Variants in THRB observed in about 807,000 individuals in gnomAD.
THRB encodes the protein thyroid hormone receptor beta.
In THRB, 12 loss-of-function variants were observed where a neutral mutation model predicts 47.8. The ratio of observed to expected loss-of-function variants is 0.25; its 90% CI spans 0.16 to 0.41. THRB has a LOEUF of 0.41. Among genes scored for constraint, THRB ranks in the 10% least tolerant of loss-of-function variants. The pLI, the probability that THRB is intolerant of heterozygous loss-of-function variation, is 1.00. For missense variants in THRB, 348 were observed against 589.2 expected (o/e 0.59, Z 4.24); for synonymous variants, 218 against 212.2 (o/e 1.03, Z -0.24).
chr3:24,199,959 C>T lies in THRB; in HGVS notation c.23-9625G>A, dbSNP rs1011171066. On this transcript the variant is annotated intron_variant, in intron 4 of 10. Transcript: ENST00000646209. ...CCCTGAGCACTGGGAAAATACTTTCCGGAGGACACAATGGAATCCTCCCCC... is the reference window on the plus strand; with the variant it reads ...CCCTGAGCACTGGGAAAATACTTTCTGGAGGACACAATGGAATCCTCCCCC... Among the ~76,000 whole-genome samples, 4 of 152,230 alleles carry T rather than the reference C, an allele frequency of 2.6e-5. No individual in the cohort carries two copies. The East Asian group carries it at 5.8e-4, about 22-fold the overall frequency.
intron 3 of THRB, among the ~76,000 whole-genome samples, chr3:24,277,344 C>T (rs1309967036): frequency 6.6e-6 from 1 of 152,160 alleles, no homozygotes; most frequent in Non-Finnish European, 1.5e-5. Flanking sequence ...AGAGAATCAT[C>T]TGGTTCAAAA....
intron 6 of THRB, 59 bp downstream of exon 6, chr3:24,152,331 G>A (rs1220784221): frequency 1.1e-6 from 1 of 881,602 alleles, no homozygotes; most frequent in African/African-American, 1.6e-5. Flanking sequence ...TTCTGGAAGA[G>A]GACTGGGAGG....
chr3:24,323,041 C>T (rs1268795154), intron 2 of THRB, among the ~76,000 whole-genome samples: 1 of 152,074 alleles, frequency 6.6e-6, no homozygotes, highest in Non-Finnish European at 1.5e-5. Flanking sequence ...CCATTCACTC[C>T]CATTCTGTTC....
chr3:24,403,081 T>C (rs989550253), intron 1 of THRB, among the ~76,000 whole-genome samples: 3 of 151,976 alleles, frequency 2.0e-5, no homozygotes, highest in Non-Finnish European at 4.4e-5. Context: ...GAAAAATATA[T>C]GAGCTAGATC....
chr3:24,433,346 A>T (rs2070637889), intron 1 of THRB, among the ~76,000 whole-genome samples: 1 of 152,088 alleles, frequency 6.6e-6, no homozygotes, highest in Non-Finnish European at 1.5e-5. Context: ...TCCTTATAAA[A>T]AGGATGCAGG....
intron 1 of THRB, among the ~76,000 whole-genome samples, chr3:24,437,888 C>A (rs1310891164): frequency 6.6e-6 from 1 of 151,694 alleles, no homozygotes; most frequent in Non-Finnish European, 1.5e-5. Flanking sequence ...TCATCCCCCA[C>A]CTTAAATAAT....
chr3:24,448,376 A>C (rs1427449458), intron 1 of THRB, among the ~76,000 whole-genome samples: 1 of 152,222 alleles, frequency 6.6e-6, no homozygotes, highest in Non-Finnish European at 1.5e-5. Context: ...CTCTGAGAAA[A>C]GTAATGATAC....
intron 3 of THRB, among the ~76,000 whole-genome samples, chr3:24,242,299 A>G (rs926493824): frequency 6.6e-6 from 1 of 152,152 alleles, no homozygotes; most frequent in African/African-American, 2.4e-5. Flanking sequence ...TGATTCTTAA[A>G]TTCCATGCTC....
chr3:24,312,973 A>G (rs2057854164), intron 2 of THRB, among the ~76,000 whole-genome samples: 1 of 152,176 alleles, frequency 6.6e-6, no homozygotes, highest in Admixed American at 6.5e-5. Flanking sequence ...GCAGGACAGA[A>G]ATGGAGATGG....
intron 5 of THRB, among the ~76,000 whole-genome samples, chr3:24,182,250 G>A (rs1311027258): frequency 6.6e-6 from 1 of 151,978 alleles, no homozygotes. Context: ...AGACCACAAT[G>A]GAAGGGCAAT....
intron 4 of THRB, among the ~76,000 whole-genome samples, chr3:24,194,347 A>G (rs1256504235): frequency 1.4e-4 from 3 of 22,200 alleles, no homozygotes; most frequent in African/African-American, 5.0e-4. Context: ...AGTAGAAGTA[A>G]TATTTTTTTT....
At chr3:24,226,312 T>C (rs557703296) in intron 4 of THRB, among the ~76,000 whole-genome samples, 293 of 152,330 alleles carry the variant, frequency 1.9e-3, no homozygotes, top group African/African-American at 5.2e-3. Context: ...ATGGTCTTCC[T>C]TTGGGTTTCT....
intron 1 of THRB, among the ~76,000 whole-genome samples, chr3:24,378,442 C>G (rs2065452413): frequency 6.6e-6 from 1 of 152,080 alleles, no homozygotes; most frequent in African/African-American, 2.4e-5. Flanking sequence ...ACTGTATTTG[C>G]AAAGAGACTA....
chr3:24,492,576 G>T (rs1431119755), intron 1 of THRB, among the ~76,000 whole-genome samples: 1 of 152,164 alleles, frequency 6.6e-6, no homozygotes, highest in African/African-American at 2.4e-5. Context: ...TACCATTTGT[G>T]GCTCCACACA....
At chr3:24,371,567 G>A (rs543234395) in intron 1 of THRB, among the ~76,000 whole-genome samples, 4 of 152,026 alleles carry the variant, frequency 2.6e-5, no homozygotes, top group Non-Finnish European at 5.9e-5. Context: ...CATGGTTACC[G>A]TTCCACCCAC....
chr3:24,125,081 A>G (rs1050247178), intron 10 of THRB, among the ~76,000 whole-genome samples: 1 of 152,188 alleles, frequency 6.6e-6, no homozygotes, highest in African/African-American at 2.4e-5. Flanking sequence ...TTTTCCTTTT[A>G]TCTACCTTAC....
chr3:24,376,157 AT>A (rs1185593009), intron 1 of THRB, among the ~76,000 whole-genome samples: 1 of 152,212 alleles, frequency 6.6e-6, no homozygotes, highest in African/African-American at 2.4e-5. Flanking sequence ...AAGTGTGTCT[AT>A]AATGGAGAAA....
At chr3:24,346,722 A>G (rs367786836) in intron 1 of THRB, among the ~76,000 whole-genome samples, 21 of 152,184 alleles carry the variant, frequency 1.4e-4, no homozygotes, top group Middle Eastern at 3.4e-3. Flanking sequence ...ATCCAATAGA[A>G]AGATATGAGC....
In THRB at chr3:24,144,199, G is replaced by A. The variant is rs1042397043; in HGVS notation, c.533-493C>T. 8 of 178,926 alleles carry A rather than the reference G, an allele frequency of 4.5e-5. No homozygotes were observed. The South Asian group carries it at 6.1e-4, about 14-fold the overall frequency. 11.1% of individuals were successfully genotyped at this position (178,926 alleles called of 1,614,324 possible). The stretch of plus-strand genomic sequence containing the variant: ...TTATGGAGCAGTAAGTGGGAGGCTC[G>A]TGATCCCTTTTTTTAAGAGGAAAAA... On this transcript the variant is annotated intron_variant, in intron 7 of 10. Coordinates refer to ENST00000646209, the MANE Select transcript of THRB (RefSeq NM_001354712.2).
Sources: allele counts gnomAD v4.1 joint callset (sites outside exome capture counted in the v4.1 genomes callset), GRCh38; gene constraint gnomAD v4.1.1; transcripts MANE v1.5; gene names NCBI Gene and HGNC (gene_info 2026-07-23, HGNC 2026-07-21).